NKAIN3: variants seen among roughly 807,000 people sequenced by gnomAD.
NKAIN3 encodes sodium/potassium transporting ATPase interacting 3, also known as sodium/potassium-transporting ATPase subunit beta-1-interacting protein 3.
NKAIN3 carries 25 observed loss-of-function variants against 30.2 expected under a neutral mutation model. The observed-to-expected ratio is 0.83, with a 90% CI of 0.60 to 1.16. NKAIN3 has a LOEUF of 1.16. Ranked by LOEUF, NKAIN3 falls within the 50% of genes most tolerant of loss-of-function variation. The pLI is 0.00. For missense variants in NKAIN3, 225 were observed against 254.1 expected, an observed-to-expected ratio of 0.89 and a Z score of 0.78; for synonymous variants, 91 against 89.6, an observed-to-expected ratio of 1.02 and a Z score of -0.09.
At chr8:62,890,310 C>T (rs1345596959) in intron 4 of NKAIN3, among the ~76,000 whole-genome samples, 1 of 152,142 alleles carries the variant, frequency 6.6e-6, no homozygotes, top group African/African-American at 2.4e-5. Flanking sequence ...AGCAAATAAG[C>T]ATTGATAGCT....
intron 3 of NKAIN3, among the ~76,000 whole-genome samples, chr8:62,703,774 CTAT>C (rs1161882766): frequency 6.6e-6 from 1 of 152,144 alleles, no homozygotes; most frequent in African/African-American, 2.4e-5. Flanking sequence ...CACACTTGAT[CTAT>C]TATTTGTCTA....
intron 1 of NKAIN3, among the ~76,000 whole-genome samples, chr8:62,508,762 G>T (rs1308937453): frequency 1.3e-5 from 2 of 152,104 alleles, no homozygotes; most frequent in East Asian, 3.9e-4. Context: ...AATTTAGCAT[G>T]ACATTTTTAA....
intron 1 of NKAIN3, among the ~76,000 whole-genome samples, chr8:62,518,982 T>G (rs540578587): frequency 6.6e-6 from 1 of 152,262 alleles, no homozygotes; most frequent in African/African-American, 2.4e-5. Context: ...TAATACTGAA[T>G]AGCTTTCACA....
At chr8:62,702,562 T>A (rs1019184556) in intron 3 of NKAIN3, among the ~76,000 whole-genome samples, 2 of 152,214 alleles carry the variant, frequency 1.3e-5, no homozygotes, top group African/African-American at 4.8e-5. Flanking sequence ...TTACCAAGGG[T>A]AAATACCAAT....
intron 4 of NKAIN3, among the ~76,000 whole-genome samples, chr8:62,783,859 G>C (rs1029708923): frequency 1.3e-5 from 2 of 151,960 alleles, no homozygotes; most frequent in African/African-American, 4.8e-5. Flanking sequence ...TGCCCAGGCT[G>C]TTCTCAAACT....
At chr8:62,453,681 A>G (rs79467976) in intron 1 of NKAIN3, among the ~76,000 whole-genome samples, 1 of 152,142 alleles carries the variant, frequency 6.6e-6, no homozygotes, top group Non-Finnish European at 1.5e-5. Context: ...ACAATCAGAA[A>G]TGACAAAGGG....
chr8:62,857,015 A>G (rs933766494), intron 4 of NKAIN3: 17 of 520,024 alleles, frequency 3.3e-5, no homozygotes, highest in Non-Finnish European at 5.3e-5. Context: ...ACTTGCTTCA[A>G]GGTTCTCTTC....
At chr8:62,601,746 T>C (rs1175256850) in intron 3 of NKAIN3, among the ~76,000 whole-genome samples, 1 of 152,066 alleles carries the variant, frequency 6.6e-6, no homozygotes, top group Admixed American at 6.6e-5. Flanking sequence ...TGTTTATTGT[T>C]ATGTTTGGTT....
chr8:62,923,654 C>T (rs1822347368), intron 5 of NKAIN3, among the ~76,000 whole-genome samples: 1 of 152,150 alleles, frequency 6.6e-6, no homozygotes, highest in African/African-American at 2.4e-5. Context: ...GCTGAGAAAA[C>T]AGGGACTTAC....
chr8:62,451,095 C>A (rs1273160622), intron 1 of NKAIN3, among the ~76,000 whole-genome samples: 1 of 152,034 alleles, frequency 6.6e-6, no homozygotes, highest in Admixed American at 6.6e-5. Context: ...GTTTGGATCA[C>A]ATTTCTTTGG....
chr8:62,273,704 A>G lies in NKAIN3; in HGVS notation c.54+24577A>G, dbSNP rs774038967. 1.5e-4 allele frequency among the ~76,000 whole-genome samples: 23 copies of G among 152,178 alleles called. 1 individual carries two copies. The highest frequency in any genetic ancestry group is 6.3e-3 in the Middle Eastern group (2 of 316). On this transcript the variant is annotated intron_variant, in intron 1 of 6. Coordinates refer to ENST00000623646, the MANE Select transcript of NKAIN3 (RefSeq NM_001304533.3). ...CTTTTAGGAAATCATCTGTTTACTT[A>G]TGTATTTTTGCAGTCAGCTTAGAAG...
intron 1 of NKAIN3, among the ~76,000 whole-genome samples, chr8:62,569,343 C>T (rs144833759): frequency 1.2e-4 from 18 of 152,192 alleles, no homozygotes; most frequent in Non-Finnish European, 1.3e-4. Context: ...CTTGGCCTAA[C>T]GCATGCTGAT....
At position 62,970,224 on chromosome 8, in the gene NKAIN3, AAG is replaced by A. The variant is rs1238932809; in HGVS notation, c.*4827_*4828del. Among the ~76,000 whole-genome samples, 3 of 152,120 alleles carry A rather than the reference AAG, an allele frequency of 2.0e-5. No individual in the cohort carries two copies. The highest frequency in any genetic ancestry group is 2.1e-4 in the South Asian group (1 of 4,818). On this transcript the variant is annotated 3_prime_UTR_variant, in exon 7 of 7. Coordinates refer to ENST00000623646, the MANE Select transcript of NKAIN3 (RefSeq NM_001304533.3). Reference sequence around the variant, plus strand: ...AATACAGCAAAAGCCTGTCTCTAAAAAGAGAGAGAGATAAGTAGATATGTTTT... The same window carrying A: ...AATACAGCAAAAGCCTGTCTCTAAAAAGAGAGAGATAAGTAGATATGTTTT...
At chr8:62,917,807 G>A (rs2061133) in intron 4 of NKAIN3, among the ~76,000 whole-genome samples, 44,261 of 151,966 alleles carry the variant, frequency 0.29, 6,750 homozygotes, top group African/African-American at 0.36. Flanking sequence ...AATAAAAATC[G>A]TCCTCTTAGC....
In NKAIN3 at chr8:62,887,982, A is replaced by G. The variant is rs143348357; in HGVS notation, c.472-30471A>G. 6.6e-5 allele frequency among the ~76,000 whole-genome samples: 10 copies of G among 152,298 alleles called. No individual in the cohort carries two copies. The East Asian group carries it at 1.9e-3, about 29-fold the overall frequency. ...ATAGCTGGACGTAAGTGCAGAGCAG[A>G]AGGAAACATGATAAATGTGCCTTTA... On this transcript the variant is annotated intron_variant, in intron 4 of 6. Coordinates refer to ENST00000623646, the MANE Select transcript of NKAIN3 (RefSeq NM_001304533.3).
Position 62,973,165 on chromosome 8 carries a change from A to G in NKAIN3, c.*7758A>G, listed in dbSNP as rs1585635884. ...ATGTGTCATTATAGTAGAATGATTT[A>G]TAATCCTTTGGGTATACACCCAGTA... On this transcript the variant is annotated 3_prime_UTR_variant, in exon 7 of 7. Transcript: ENST00000623646. Among the ~76,000 whole-genome samples the G allele has an allele frequency of 6.6e-6, 1 of 152,224 alleles. No individual in the cohort carries two copies. Among genetic ancestry groups the G allele is most frequent in the East Asian group, 1.9e-4 (1 of 5,194 alleles).
At chr8:62,898,569 T>A (rs4360287) in intron 4 of NKAIN3, among the ~76,000 whole-genome samples, 117,627 of 151,920 alleles carry the variant, frequency 0.77, 46,374 homozygotes, top group East Asian at 0.98. Context: ...GGGAGGAGGG[T>A]GGAAAGAGGA....
intron 3 of NKAIN3, among the ~76,000 whole-genome samples, chr8:62,667,348 T>TATATATATATATGTATATATATATATAA (rs1563507978): frequency 1.4e-5 from 1 of 69,426 alleles, no homozygotes; most frequent in African/African-American, 1.2e-4. Flanking sequence ...ATATATTCTT[T>TATATATATATATGTATATATATATATAA]ATATATATAT....
At position 62,976,019 on chromosome 8, in the gene NKAIN3, C is replaced by G. The variant is rs1395251231; in HGVS notation, c.*10612C>G. On this transcript the variant is annotated 3_prime_UTR_variant, in exon 7 of 7. Transcript: ENST00000623646. ...TGAGTGAGTTTCTTAATCCTGAGTTCTAACTTGATTGCACTGTGGTCTGAG... is the reference window on the plus strand; with the variant it reads ...TGAGTGAGTTTCTTAATCCTGAGTTGTAACTTGATTGCACTGTGGTCTGAG... 6.6e-6 allele frequency among the ~76,000 whole-genome samples: 1 copy of G among 151,588 alleles called. No individual in the cohort carries two copies. Among genetic ancestry groups the G allele is most frequent in the African/African-American group, 2.4e-5 (1 of 41,074 alleles).
Sources: gnomAD v4.1 joint callset for allele counts (sites outside exome capture counted in the v4.1 genomes callset) on GRCh38, gnomAD v4.1.1 for gene constraint, MANE v1.5 for transcripts, NCBI Gene and HGNC (gene_info 2026-07-23, HGNC 2026-07-21) for gene names.